The following CLIP3 variants were observed in gnomAD, a reference collection of about 807,000 sequenced individuals.
The protein encoded by CLIP3 is CAP-Gly domain-containing linker protein 3.
In CLIP3, 15 loss-of-function variants were observed where a neutral mutation model predicts 59.4. That is an observed-to-expected ratio of 0.25 (90% CI 0.17 to 0.39). CLIP3 has a LOEUF of 0.39. Among genes scored for constraint, CLIP3 ranks in the 10% least tolerant of loss-of-function variants. The pLI, the probability that CLIP3 is intolerant of heterozygous loss-of-function variation, is 1.00. For missense variants in CLIP3, 495 were observed against 765.7 expected (o/e 0.65, Z 4.17); for synonymous variants, 300 against 321.6 (o/e 0.93, Z 0.72).
rs577272531 is a variant in CLIP3, at chr19:36,024,493, T to C, written c.821A>G (p.Lys274Arg). The change falls in exon 7 of 14, where the codon AAG (lysine) becomes AGG (arginine). Residue 274 changes from lysine to arginine, a missense_variant. This residue lies in a region of CLIP3 where 194 missense variants were observed against 327.8 expected (regional missense o/e 0.59). Transcript: ENST00000360535. ...GTTGTCATAGTTGGGTAGCGTGACC[T>C]TGGGGAGGGCGCAAGATAGTGGCAC... is the stretch of plus-strand genomic sequence containing the variant. ...EAVPLSCALPKVTLPNYDNVP... is the reference protein window; with the variant it reads ...EAVPLSCALPRVTLPNYDNVP... 2.5e-5 allele frequency: 41 copies of C among 1,614,254 alleles called. 1 individual carries two copies. The Middle Eastern group carries it at 5.0e-4, about 19-fold the overall frequency.
At chr19:36,024,273 T>C in intron 7 of CLIP3, 123 bp downstream of exon 7, 1 of 747,936 alleles carries the variant, frequency 1.3e-6, no homozygotes, top group Non-Finnish European at 2.2e-6. Context: ...ACTGGGTGGA[T>C]AGTTAGGGCG....
chr19:36,020,310 A>G (rs1968920265), intron 7 of CLIP3, among the ~76,000 whole-genome samples: 1 of 151,962 alleles, frequency 6.6e-6, no homozygotes, highest in Non-Finnish European at 1.5e-5. Context: ...ATTTAAAAAT[A>G]AATAAATTTA....
At chr19:36,028,124 G>A (rs1969161932) in intron 2 of CLIP3, among the ~76,000 whole-genome samples, 1 of 151,840 alleles carries the variant, frequency 6.6e-6, no homozygotes, top group Admixed American at 6.6e-5. Flanking sequence ...ATCACCTCAG[G>A]TCAGGAGTTC....
chr19:36,030,310 C>G (rs1387017096), intron 2 of CLIP3, among the ~76,000 whole-genome samples: 2 of 152,178 alleles, frequency 1.3e-5, no homozygotes, highest in Non-Finnish European at 2.9e-5. Flanking sequence ...ACCTTGGCCT[C>G]CTAGAGTGCT....
At chr19:36,024,965 C>T (rs939985952) in intron 6 of CLIP3, among the ~76,000 whole-genome samples, 22 of 151,822 alleles carry the variant, frequency 1.4e-4, no homozygotes, top group Admixed American at 1.1e-3. Context: ...ACTCGGGAGG[C>T]TGAGGCAGGA....
chr19:36,032,152 A>C lies in CLIP3; in HGVS notation c.166+40T>G. On this transcript the variant is annotated intron_variant, in intron 2 of 13. Transcript: ENST00000360535. This position sits in a 1 kb window ranked among gnomAD's most constrained non-coding sequence, Gnocchi z 4.3. ...CACAGCCCACCCTCCCCGGCCACCC[A>C]ACGCTCCAGGCCAGATTCCAGGGTG... 1 of 1,177,286 alleles carries C rather than the reference A, an allele frequency of 8.5e-7. No individual in the cohort carries two copies. Among genetic ancestry groups the C allele is most frequent in the East Asian group, 3.2e-5 (1 of 31,302 alleles). The allele number at this position is 1,177,286 out of a possible 1,614,324, so 72.9% of individuals were successfully genotyped here.
In CLIP3 at chr19:36,017,799, G is replaced by A. The variant is rs1195903413; in HGVS notation, c.1328-21C>T. The stretch of plus-strand genomic sequence containing the variant: ...GTAACCTGCAGCACGAGGGTGTCAG[G>A]ATTTCTCAAGGCCCTGCCTGCCTCC... On this transcript the variant is annotated intron_variant, in intron 10 of 13. Transcript: ENST00000360535. The A allele has an allele frequency of 2.5e-6, 4 of 1,614,020 alleles. No individual in the cohort carries two copies. The African/African-American group carries it at 4.0e-5, about 16-fold the overall frequency.
intron 7 of CLIP3, among the ~76,000 whole-genome samples, chr19:36,021,497 C>T (rs985689084): frequency 6.6e-6 from 1 of 152,100 alleles, no homozygotes; most frequent in Admixed American, 6.6e-5. Context: ...GTTGATTGCC[C>T]AGGCTGGTCT....
In CLIP3 at chr19:36,026,396, G is replaced by A. The variant is rs1252640250; in HGVS notation, c.563-131C>T. On this transcript the variant is annotated intron_variant, in intron 5 of 13. Coordinates refer to ENST00000360535, the MANE Select transcript of CLIP3 (RefSeq NM_015526.3). This position sits in a 1 kb window ranked among gnomAD's most constrained non-coding sequence, Gnocchi z 6.3. The stretch of plus-strand genomic sequence containing the variant: ...CGCAGAGCCCCGCCCCCACCTCGGA[G>A]CCCCCCTCTCCCTTGGCAGCCCCGA... 1.9e-6 allele frequency: 2 copies of A among 1,075,496 alleles called. No individual in the cohort carries two copies. Among genetic ancestry groups the A allele is most frequent in the East Asian group, 2.6e-5 (1 of 38,754 alleles). 66.6% of individuals were successfully genotyped at this position (1,075,496 alleles called of 1,614,324 possible).
At chr19:36,017,499 G>T (rs1277584192) in intron 11 of CLIP3, 49 bp from the exon 12 acceptor site, 2 of 1,606,334 alleles carry the variant, frequency 1.2e-6, no homozygotes, top group South Asian at 1.1e-5. Flanking sequence ...AAAGGCCAGG[G>T]TCTGACTGAG....
intron 6 of CLIP3, 49 bp from the exon 7 acceptor site, chr19:36,024,681 AC>A (rs1200060442): frequency 1.3e-6 from 2 of 1,566,034 alleles, no homozygotes; most frequent in Non-Finnish European, 1.8e-6. Context: ...CACAGGTCAC[AC>A]CCCCATGGAG....
Position 36,032,334 on chromosome 19 carries a change from C to T in CLIP3, c.24G>A (p.Pro8=). 1 of 1,269,214 alleles carries T rather than the reference C, an allele frequency of 7.9e-7. No individual in the cohort carries two copies. The allele number at this position is 1,269,214 out of a possible 1,614,324, so 78.6% of individuals were successfully genotyped here. MTKTDPA[P]MAPPPRGEEE... The stretch of plus-strand genomic sequence containing the variant: ...CCTCTCCTCGGGGTGGCGGGGCCAT[C>T]GGGGCAGGATCTGTCTTAGTCATGG... The change falls in exon 2 of 14, where the codon CCG becomes CCA. Residue 8 remains proline (P), a synonymous_variant. Transcript: ENST00000360535. This position sits in a 1 kb window ranked among gnomAD's most constrained non-coding sequence, Gnocchi z 4.3.
chr19:36,028,440 T>C (rs1969171062), intron 2 of CLIP3, among the ~76,000 whole-genome samples: 1 of 152,226 alleles, frequency 6.6e-6, no homozygotes. Context: ...GAGGCACTTC[T>C]GTCTCTTCCC....
rs1180032521 is a variant in CLIP3 at position 36,026,396 on chromosome 19, G to GC, written c.563-132dup. Reference sequence around the variant, plus strand: ...CGCAGAGCCCCGCCCCCACCTCGGAGCCCCCCTCTCCCTTGGCAGCCCCGA... The same window carrying GC: ...CGCAGAGCCCCGCCCCCACCTCGGAGCCCCCCCTCTCCCTTGGCAGCCCCGA... On this transcript the variant is annotated intron_variant, in intron 5 of 13. Transcript: ENST00000360535. The surrounding 1 kb of genome is among the most constrained non-coding windows in gnomAD (Gnocchi z 6.3). 1.5e-5 allele frequency: 16 copies of GC among 1,075,494 alleles called. No homozygotes were observed. In the African/African-American group the frequency reaches 1.6e-4, roughly 11 times the overall value. The allele number at this position is 1,075,494 out of a possible 1,614,324, so 66.6% of individuals were successfully genotyped here. A position where few individuals can be genotyped will look rare whatever the true frequency, so the allele number is the denominator to read the frequency against.
chr19:36,018,042 G>A, intron 9 of CLIP3, 51 bp from the exon 10 acceptor site: 1 of 1,602,778 alleles, frequency 6.2e-7, no homozygotes, highest in Non-Finnish European at 8.5e-7. Context: ...GCCAGCTTTG[G>A]GAACCTCGTG....
At chr19:36,030,199 G>T (rs1043743805) in intron 2 of CLIP3, among the ~76,000 whole-genome samples, 6 of 152,104 alleles carry the variant, frequency 3.9e-5, no homozygotes, top group African/African-American at 1.4e-4. Context: ...GGGACTACAG[G>T]TACCCACCAT....
At position 36,019,250 on chromosome 19, in the gene CLIP3, G is replaced by T; in HGVS notation, c.975C>A (p.Gly325=). 1 of 1,613,854 alleles carries T rather than the reference G, an allele frequency of 6.2e-7. No individual in the cohort carries two copies. The highest frequency in any genetic ancestry group is 8.5e-7 in the Non-Finnish European group (1 of 1,180,022). ...TTEFASGQWV[G]VELDEPEGKN... ...TGCCCTCAGGTTCGTCCAGCTCCAC[G>T]CCCACCCACTGGCCGCTGGCAAACT... Residue 325 remains glycine, a synonymous_variant, in exon 8 of 14, where the codon GGC becomes GGA. Coordinates refer to ENST00000360535, the MANE Select transcript of CLIP3 (RefSeq NM_015526.3).
rs1168236950 is a variant in CLIP3, at chr19:36,026,677, G to A, written c.471C>T (p.Ser157=). 3.7e-6 allele frequency: 6 copies of A among 1,610,736 alleles called. No homozygotes were observed. Among genetic ancestry groups the A allele is most frequent in the Non-Finnish European group, 5.1e-6 (6 of 1,179,164 alleles). ...LALGADVTLR[S]RWTNMNALHY... is the part of the protein sequence containing the mutation. ...GAAGCGCGTTCATGTTGGTCCAGCGGCTGCGCAGCGTCACATCTGCGCCCA... is the reference window on the plus strand; with the variant it reads ...GAAGCGCGTTCATGTTGGTCCAGCGACTGCGCAGCGTCACATCTGCGCCCA... The change falls in exon 5 of 14, where the codon AGC becomes AGT. Residue 157 remains serine, a synonymous_variant. Transcript: ENST00000360535. The surrounding 1 kb of genome is among the most constrained non-coding windows in gnomAD (Gnocchi z 6.3).
chr19:36,029,451 A>ATT (rs750154353), intron 2 of CLIP3, among the ~76,000 whole-genome samples: 1 of 142,532 alleles, frequency 7.0e-6, no homozygotes. Flanking sequence ...ATGCCCAGCA[A>ATT]TTTTTTTTTT....
Sources: gnomAD v4.1 joint callset for allele counts (sites outside exome capture counted in the v4.1 genomes callset) on GRCh38, gnomAD v4.1.1 for gene constraint, gnomAD v4.1.1 regional missense constraint, Gnocchi (gnomAD v3.1) non-coding constraint, MANE v1.5 for transcripts, NCBI Gene and HGNC (gene_info 2026-07-23, HGNC 2026-07-21) for gene names.